PPAT: variants seen among roughly 807,000 people sequenced by gnomAD.
PPAT encodes the protein amidophosphoribosyltransferase.
In PPAT, 20 loss-of-function variants were observed where a neutral mutation model predicts 60.2. That is an observed-to-expected ratio of 0.33 (90% CI 0.23 to 0.48). PPAT has a LOEUF of 0.48. Among genes scored for constraint, PPAT ranks in the 20% least tolerant of loss-of-function variants. The pLI, the probability that PPAT is intolerant of heterozygous loss-of-function variation, is 0.99. For synonymous variants in PPAT, 194 were observed against 215.1 expected (o/e 0.90, Z 0.86); for missense variants, 349 against 629.6 (o/e 0.55, Z 4.77).
chr4:56,411,862 AG>A (rs1205517737), intron 1 of PPAT, among the ~76,000 whole-genome samples: 2 of 152,236 alleles, frequency 1.3e-5, no homozygotes, highest in Non-Finnish European at 2.9e-5. Flanking sequence ...AACTTAAGTT[AG>A]CTATTTTTCA....
rs559129421 is a variant in PPAT at position 56,407,689 on chromosome 4, A to G, written c.156T>C (p.Thr52=). Residue 52 remains threonine (T), a synonymous_variant, in exon 2 of 11, where the codon ACT becomes ACC. Transcript: ENST00000264220. ...ATGTTGGCACCGAACTCCCATCACT[A>G]GTCACAATACCAGCACTCTCCTGAC... The part of the protein sequence containing the change: ...HRGQESAGIV[T]SDGSSVPTFK... The G allele has an allele frequency of 1.2e-6, 2 of 1,606,276 alleles. No individual in the cohort carries two copies. The highest frequency in any genetic ancestry group is 2.7e-5 in the African/African-American group (2 of 74,942).
Position 56,395,556 on chromosome 4 carries a change from A to C in PPAT, c.1358-8T>G. 6.6e-7 allele frequency: 1 copy of C among 1,506,852 alleles called. No homozygotes were observed. Among genetic ancestry groups the C allele is most frequent in the South Asian group, 1.4e-5 (1 of 73,854 alleles). The allele number at this position is 1,506,852 out of a possible 1,614,324, so 93.3% of individuals were successfully genotyped here. A position where few individuals can be genotyped will look rare whatever the true frequency, so the allele number is the denominator to read the frequency against. On this transcript the variant is annotated splice_polypyrimidine_tract_variant and splice_region_variant and intron_variant, in intron 10 of 10. Coordinates refer to ENST00000264220, the MANE Select transcript of PPAT (RefSeq NM_002703.5). ...ACACAACACTGTTTGCTCCTAAAGA[A>C]AGAGGGAAAAATAAAAATGTAATAA...
chr4:56,422,263 G>C (rs1048205017), intron 1 of PPAT: 1 of 152,126 alleles, frequency 6.6e-6, no homozygotes, highest in Non-Finnish European at 1.5e-5. Flanking sequence ...AACAGAGTGA[G>C]ACTCTGCCTC....
At chr4:56,420,740 A>T (rs1716998179) in intron 1 of PPAT, 2 of 152,246 alleles carry the variant, frequency 1.3e-5, no homozygotes, top group African/African-American at 4.8e-5. Context: ...ACTTAGAAAA[A>T]TATAAAATAC....
intron 1 of PPAT, among the ~76,000 whole-genome samples, chr4:56,408,515 T>C (rs1039862226): frequency 5.3e-5 from 8 of 150,144 alleles, no homozygotes; most frequent in African/African-American, 2.0e-4. Context: ...GATTAACTCC[T>C]AGGTGGAGGC....
chr4:56,435,386 T>C lies in PPAT; in HGVS notation c.92A>G (p.His31Arg). 1 of 1,612,126 alleles carries C rather than the reference T, an allele frequency of 6.2e-7. No homozygotes were observed. The change falls in exon 1 of 11, where the codon CAT (histidine) becomes CGT (arginine). Residue 31 changes from histidine to arginine, a missense_variant. His to Arg is a conservative substitution (Grantham distance 29). This residue lies in a region of PPAT where 115 missense variants were observed against 174.5 expected (regional missense o/e 0.66). Coordinates refer to ENST00000264220, the MANE Select transcript of PPAT (RefSeq NM_002703.5). ...GEWPTQLDVP[H>R]VITLGLVGLQ... ...CCCCACGAGTCCCAGAGTGATCACA[T>C]GCGGTACATCCAGCTGCGTGGGCCA...
chr4:56,401,431 T>C lies in PPAT; in HGVS notation c.785A>G (p.Asn262Ser), dbSNP rs1251567792. 10 of 1,606,350 alleles carry C rather than the reference T, an allele frequency of 6.2e-6. No individual in the cohort carries two copies. The highest frequency in any genetic ancestry group is 1.1e-5 in the South Asian group (1 of 89,950). Residue 262 changes from asparagine to serine, a missense_variant, in exon 7 of 11, where the codon AAT (asparagine) becomes AGT (serine). This residue lies in a region of PPAT where 167 missense variants were observed against 328.6 expected (regional missense o/e 0.51). Transcript: ENST00000264220. ...PGEIVEISRH[N>S]VQTLDIISRS... is the part of the protein sequence containing the mutation. ...TGATATAATATCAAGAGTTTGGACA[T>C]TGTGTCTGGATATTTCCACAATTTC...
intron 1 of PPAT, among the ~76,000 whole-genome samples, chr4:56,412,234 C>G (rs1716497271): frequency 6.6e-6 from 1 of 152,058 alleles, no homozygotes; most frequent in South Asian, 2.1e-4. Flanking sequence ...AGGGACTATC[C>G]TTACAACATA....
chr4:56,403,506 G>A, intron 3 of PPAT, 105 bp from the exon 4 acceptor site: 1 of 831,652 alleles, frequency 1.2e-6, no homozygotes, highest in African/African-American at 1.7e-5. Context: ...TGGATGTCCA[G>A]TTACAAAAAT....
intron 1 of PPAT, among the ~76,000 whole-genome samples, chr4:56,426,210 G>A (rs1211242464): frequency 6.6e-6 from 1 of 152,072 alleles, no homozygotes; most frequent in African/African-American, 2.4e-5. Context: ...AGACCATCCT[G>A]GCCAACATGG....
Position 56,406,563 on chromosome 4 carries a change from T to A in PPAT, c.334A>T (p.Thr112Ser). Residue 112 changes from threonine (T) to serine (S), a missense_variant, in exon 3 of 11, where the codon ACA (threonine) becomes TCA (serine). This residue lies in a region of PPAT where 115 missense variants were observed against 174.5 expected (regional missense o/e 0.66). Transcript: ENST00000264220. ...LENCQPFVVETLHGKIAVAHN... is the reference protein window; with the variant it reads ...LENCQPFVVESLHGKIAVAHN... ...GCCACAGCTATCTTCCCATGAAGTG[T>A]TTCAACAACGAAGGGCTGACAATTT... The A allele has an allele frequency of 6.2e-7, 1 of 1,613,574 alleles. No individual in the cohort carries two copies. The highest frequency in any genetic ancestry group is 8.5e-7 in the Non-Finnish European group (1 of 1,180,004).
At chr4:56,403,787 CAG>C (rs1716177434) in intron 3 of PPAT, among the ~76,000 whole-genome samples, 1 of 152,134 alleles carries the variant, frequency 6.6e-6, no homozygotes, top group Admixed American at 6.5e-5. Context: ...GAGACAGTAA[CAG>C]ATCATCAGGC....
intron 1 of PPAT, among the ~76,000 whole-genome samples, chr4:56,433,201 C>T (rs1295330231): frequency 6.6e-6 from 1 of 151,540 alleles, no homozygotes; most frequent in Non-Finnish European, 1.5e-5. Flanking sequence ...AGAACCAGCC[C>T]TCTTTGTGCA....
chr4:56,402,206 T>C (rs1054415579), intron 5 of PPAT, 25 bp from the exon 6 acceptor site: 2 of 1,550,366 alleles, frequency 1.3e-6, no homozygotes, highest in African/African-American at 2.7e-5. Flanking sequence ...TCAATTCAAT[T>C]AATGGATTCC....
chr4:56,405,832 T>C (rs1716227962), intron 3 of PPAT, among the ~76,000 whole-genome samples: 3 of 152,236 alleles, frequency 2.0e-5, no homozygotes, highest in East Asian at 3.9e-4. Flanking sequence ...TTTGTGATGT[T>C]TGAAACCAAA....
chr4:56,401,861 T>C (rs1716119892), intron 6 of PPAT, among the ~76,000 whole-genome samples: 1 of 152,086 alleles, frequency 6.6e-6, no homozygotes, highest in South Asian at 2.1e-4. Context: ...GAGAAAAATA[T>C]ACAAAATAAA....
At position 56,406,069 on chromosome 4, in the gene PPAT, T is replaced by C. The variant is rs562065886; in HGVS notation, c.402+426A>G. Among the ~76,000 whole-genome samples the C allele has an allele frequency of 4.0e-3, 606 of 152,334 alleles. 12 individuals are homozygous for C. The highest frequency in any genetic ancestry group is 4.5e-3 in the Non-Finnish European group (306 of 68,026). ...CATTTGGTGTCCTCTGGAAAACTGC[T>C]GGTATAAGAAACCCCCCTATTTGGT... On this transcript the variant is annotated intron_variant, in intron 3 of 10. Transcript: ENST00000264220.
At chr4:56,412,094 A>T (rs1716490080) in intron 1 of PPAT, among the ~76,000 whole-genome samples, 1 of 152,168 alleles carries the variant, frequency 6.6e-6, no homozygotes, top group Non-Finnish European at 1.5e-5. Flanking sequence ...AGCTTCTGAA[A>T]GTCCCCGATT....
chr4:56,405,191 C>T (rs1012636001), intron 3 of PPAT, among the ~76,000 whole-genome samples: 2 of 151,948 alleles, frequency 1.3e-5, no homozygotes, highest in Non-Finnish European at 2.9e-5. Flanking sequence ...TGCTGTGAAC[C>T]AAGAGTTTAA....
Sources: gnomAD v4.1 joint callset for allele counts (sites outside exome capture counted in the v4.1 genomes callset) on GRCh38, gnomAD v4.1.1 for gene constraint, gnomAD v4.1.1 regional missense constraint, MANE v1.5 for transcripts, NCBI Gene and HGNC (gene_info 2026-07-23, HGNC 2026-07-21) for gene names.